The following EPCIP variants were observed in gnomAD, a reference collection of about 807,000 sequenced individuals.
EPCIP encodes exosomal polycystin-1-interacting protein.
the EPCIP span, among the ~76,000 whole-genome samples, chr21:32,805,365 T>TA: frequency 1.3e-5 from 2 of 151,564 alleles, no homozygotes; most frequent in African/African-American, 4.9e-5. Context: ...ATTATATTTT[T>TA]TTTTTTTGAG....
At chr21:32,794,455 C>T in the EPCIP span, 8 of 1,585,028 alleles carry the variant, frequency 5.0e-6, no homozygotes, top group African/African-American at 2.7e-5. Flanking sequence ...GTTTATCCCC[C>T]CTCTTTTTGA....
the EPCIP span, among the ~76,000 whole-genome samples, chr21:32,807,236 A>G: frequency 6.6e-6 from 1 of 151,958 alleles, no homozygotes; most frequent in Non-Finnish European, 1.5e-5. Flanking sequence ...AGGGCCTGGC[A>G]CATAGGAGCA....
At chr21:32,794,970 G>T in the EPCIP span, among the ~76,000 whole-genome samples, 1 of 152,288 alleles carries the variant, frequency 6.6e-6, no homozygotes, top group Non-Finnish European at 1.5e-5. Flanking sequence ...GTTGGATTCA[G>T]CTATCCAAGC....
chr21:32,809,209 G>A, the EPCIP span, among the ~76,000 whole-genome samples: 1 of 151,432 alleles, frequency 6.6e-6, no homozygotes, highest in Non-Finnish European at 1.5e-5. Flanking sequence ...GTGTGTGTGT[G>A]TGTGTGTGTG....
At chr21:32,794,636 G>A in the EPCIP span, among the ~76,000 whole-genome samples, 1 of 152,212 alleles carries the variant, frequency 6.6e-6, no homozygotes, top group Non-Finnish European at 1.5e-5. Context: ...TGCAGCCCAG[G>A]CACTGGGCAA....
the EPCIP span, among the ~76,000 whole-genome samples, chr21:32,799,212 A>G: frequency 6.6e-6 from 1 of 152,136 alleles, no homozygotes; most frequent in African/African-American, 2.4e-5. Context: ...GACCCATGGG[A>G]TGAGCATGGG....
At chr21:32,799,618 T>C in the EPCIP span, among the ~76,000 whole-genome samples, 1 of 152,154 alleles carries the variant, frequency 6.6e-6, no homozygotes, top group African/African-American at 2.4e-5. Context: ...TTCTCTTGAG[T>C]CTTTCCCCTA....
the EPCIP span, among the ~76,000 whole-genome samples, chr21:32,803,628 C>A: frequency 4.2e-5 from 3 of 71,884 alleles, no homozygotes; most frequent in Non-Finnish European, 1.1e-4. Flanking sequence ...TAGAGATAAA[C>A]ACTATGTAAG....
chr21:32,798,693 A>C, the EPCIP span: 1 of 152,182 alleles, frequency 6.6e-6, no homozygotes, highest in Admixed American at 6.5e-5. Context: ...GGCTGGGCAC[A>C]ATGGCTCAGG....
chr21:32,800,902 C>T, the EPCIP span, among the ~76,000 whole-genome samples: 5 of 152,204 alleles, frequency 3.3e-5, no homozygotes, highest in South Asian at 1.0e-3. Context: ...GAGTATTTGT[C>T]ATGGTTGCAT....
the EPCIP span, among the ~76,000 whole-genome samples, chr21:32,803,728 T>G: frequency 2.0e-5 from 3 of 152,224 alleles, no homozygotes; most frequent in African/African-American, 7.2e-5. Flanking sequence ...CAATGTTTTC[T>G]TACTGTGATA....
At chr21:32,793,184 C>T in the EPCIP span, among the ~76,000 whole-genome samples, 10 of 151,870 alleles carry the variant, frequency 6.6e-5, no homozygotes, top group Non-Finnish European at 1.5e-4. Flanking sequence ...CTTGAACTCC[C>T]GACCTCAGGT....
At chr21:32,810,735 C>G in the EPCIP span, 1 of 466,008 alleles carries the variant, frequency 2.1e-6, no homozygotes, top group South Asian at 1.6e-5. Context: ...GCTCACATGT[C>G]CCACATTGTA....
the EPCIP span, among the ~76,000 whole-genome samples, chr21:32,804,109 G>C: frequency 6.6e-6 from 1 of 152,088 alleles, no homozygotes; most frequent in East Asian, 1.9e-4. Context: ...ATGCAATTTG[G>C]GTTTTGAGAG....
chr21:32,809,280 CTTTCTTTCTTTCTTT>C, the EPCIP span, among the ~76,000 whole-genome samples: 1 of 78,904 alleles, frequency 1.3e-5, no homozygotes, highest in East Asian at 2.9e-4. Flanking sequence ...TCCCTCCTTC[CTTTCTTTCTTTCTTT>C]CTTTCTTTCT....
the EPCIP span, among the ~76,000 whole-genome samples, chr21:32,796,368 A>C: frequency 6.6e-6 from 1 of 152,138 alleles, no homozygotes; most frequent in Non-Finnish European, 1.5e-5. Context: ...AAAGATACAA[A>C]AGACCTGGAT....
chr21:32,809,278 T>C, the EPCIP span, among the ~76,000 whole-genome samples: 10 of 121,658 alleles, frequency 8.2e-5, no homozygotes, highest in East Asian at 1.5e-3. Flanking sequence ...CCTCCCTCCT[T>C]CCTTTCTTTC....
At chr21:32,804,300 T>C in the EPCIP span, among the ~76,000 whole-genome samples, 2 of 142,528 alleles carry the variant, frequency 1.4e-5, no homozygotes, top group Admixed American at 1.4e-4. Context: ...TATATATGAA[T>C]AGTACTATAT....
chr21:32,809,275 C>CTCTCCCTCCTTT, the EPCIP span, among the ~76,000 whole-genome samples: 2 of 59,104 alleles, frequency 3.4e-5, no homozygotes, highest in African/African-American at 1.1e-4. Flanking sequence ...TTCCCTCCCT[C>CTCTCCCTCCTTT]CTTCCTTTCT....
Sources: allele counts gnomAD v4.1 joint callset (sites outside exome capture counted in the v4.1 genomes callset), GRCh38; gene constraint gnomAD v4.1.1; transcripts MANE v1.5; gene names NCBI Gene and HGNC (gene_info 2026-07-23, HGNC 2026-07-21).